USP46: variants seen among roughly 807,000 people sequenced by gnomAD.
The protein encoded by USP46 is ubiquitin carboxyl-terminal hydrolase 46.
A neutral mutation model predicts 44.4 loss-of-function variants in USP46; 12 were observed. That is an observed-to-expected ratio of 0.27 (90% CI 0.17 to 0.44). The LOEUF (loss-of-function observed/expected upper bound fraction) is 0.44. USP46 is among the 20% of genes least tolerant of loss of function. USP46 has a pLI of 1.00. For missense variants in USP46, 248 were observed against 444.8 expected, an observed-to-expected ratio of 0.56 and a Z score of 3.98; for synonymous variants, 155 against 161.5, an observed-to-expected ratio of 0.96 and a Z score of 0.31.
chr4:52,626,536 G>C (rs1385610823), intron 3 of USP46, among the ~76,000 whole-genome samples: 1 of 152,048 alleles, frequency 6.6e-6, no homozygotes. Flanking sequence ...TGTTGGCCAG[G>C]ATGGTCTCAA....
At chr4:52,602,951 A>G (rs538815128) in intron 6 of USP46, among the ~76,000 whole-genome samples, 2 of 152,364 alleles carry the variant, frequency 1.3e-5, no homozygotes, top group East Asian at 3.9e-4. Context: ...AGGGTCTTCC[A>G]GTTACCTTCC....
intron 1 of USP46, among the ~76,000 whole-genome samples, chr4:52,632,999 AAAGAAAGAAAGAAAG>A (rs1717967941): frequency 2.4e-5 from 3 of 125,176 alleles, no homozygotes; most frequent in African/African-American, 3.5e-5. Flanking sequence ...GAAAAGAAAG[AAAGAAAGAAAGAAAG>A]AAAGAAAGAA....
At chr4:52,617,736 G>A (rs1273562722) in intron 4 of USP46, among the ~76,000 whole-genome samples, 3 of 152,058 alleles carry the variant, frequency 2.0e-5, no homozygotes, top group African/African-American at 7.2e-5. Flanking sequence ...TGTTGTTGTT[G>A]GGTTTTCTTG....
chr4:52,646,555 G>A (rs1718556899), intron 1 of USP46, among the ~76,000 whole-genome samples: 1 of 152,064 alleles, frequency 6.6e-6, no homozygotes, highest in African/African-American at 2.4e-5. Flanking sequence ...TTTTGTATCT[G>A]TCAAGTTTAG....
intron 1 of USP46, among the ~76,000 whole-genome samples, chr4:52,649,496 A>C (rs2109665025): frequency 6.6e-6 from 1 of 152,352 alleles, no homozygotes; most frequent in Non-Finnish European, 1.5e-5. Flanking sequence ...TTTTTCCCAA[A>C]GCCTTGCTGC....
chr4:52,659,290 G>T lies in USP46; in HGVS notation c.-140C>A. 2.4e-6 allele frequency: 2 copies of T among 840,704 alleles called. No individual in the cohort carries two copies. The highest frequency in any genetic ancestry group is 3.5e-5 in the East Asian group (1 of 28,748). 52.1% of individuals were successfully genotyped at this position (840,704 alleles called of 1,614,324 possible). On this transcript the variant is annotated 5_prime_UTR_variant, in exon 1 of 9. Transcript: ENST00000441222. The surrounding 1 kb of genome is among the most constrained non-coding windows in gnomAD (Gnocchi z 4.2). ...GCTTTCAGTTTGGCTGGGAGAGGGA[G>T]GCCGGGAGGAGGAGGCGGCGGCGCG...
intron 1 of USP46, among the ~76,000 whole-genome samples, chr4:52,635,759 CCCT>C (rs1718091197): frequency 6.6e-6 from 1 of 152,130 alleles, no homozygotes; most frequent in Non-Finnish European, 1.5e-5. Context: ...CCTCCAGTTA[CCCT>C]CCTCCTCACT....
At position 52,631,055 on chromosome 4, in the gene USP46, C is replaced by T; in HGVS notation, c.117+9G>A. ...CATTTGATGAAAATAATACATTTTA[C>T]ATACTTACATTGACCAATCCGAAAT... is the stretch of plus-strand genomic sequence containing the variant. On this transcript the variant is annotated intron_variant, in intron 2 of 8. Coordinates refer to ENST00000441222, the MANE Select transcript of USP46 (RefSeq NM_022832.4). The T allele has an allele frequency of 1.3e-6, 2 of 1,555,654 alleles. No individual in the cohort carries two copies. The highest frequency in any genetic ancestry group is 2.4e-5 in the South Asian group (2 of 83,912).
intron 5 of USP46, 132 bp downstream of exon 5, chr4:52,610,409 G>T (rs1476279764): frequency 2.6e-6 from 2 of 764,830 alleles, no homozygotes; most frequent in African/African-American, 1.8e-5. Context: ...CTTGGGAAAG[G>T]AGAGATAGAA....
intron 1 of USP46, 106 bp from the exon 2 acceptor site, chr4:52,631,250 A>AAATAC: frequency 1.2e-6 from 1 of 827,814 alleles, no homozygotes; most frequent in Non-Finnish European, 1.9e-6. Flanking sequence ...CCTGGTCAAC[A>AAATAC]CGGTATTTGT....
chr4:52,629,494 A>G, intron 2 of USP46: 1 of 414,572 alleles, frequency 2.4e-6, no homozygotes, highest in Non-Finnish European at 4.9e-6. Flanking sequence ...CTCACTTCAC[A>G]GGGCTAAGCA....
intron 4 of USP46, among the ~76,000 whole-genome samples, chr4:52,619,480 A>G (rs952218932): frequency 2.6e-5 from 4 of 152,196 alleles, no homozygotes; most frequent in African/African-American, 9.7e-5. Context: ...CTTCATAAAC[A>G]TGGGTCTTGG....
chr4:52,654,621 C>A (rs530327924), intron 1 of USP46, among the ~76,000 whole-genome samples: 9 of 152,166 alleles, frequency 5.9e-5, no homozygotes, highest in African/African-American at 2.2e-4. Context: ...ATCTTGAATT[C>A]CTGGGCTCAA....
chr4:52,626,210 T>C lies in USP46; in HGVS notation c.369A>G (p.Glu123=). ...TAGTGTTTAGCAAATAATTTAAAAA[T>C]TCATGAGCATCCTGCTGCATGTAGT... ...FDNYMQQDAH[E]FLNYLLNTIA... Residue 123 remains glutamate, a synonymous_variant, in exon 4 of 9, where the codon GAA becomes GAG. Transcript: ENST00000441222. The C allele has an allele frequency of 6.2e-7, 1 of 1,613,770 alleles. No individual in the cohort carries two copies. Among genetic ancestry groups the C allele is most frequent in the Non-Finnish European group, 8.5e-7 (1 of 1,179,834 alleles).
chr4:52,654,704 A>G (rs1242291775), intron 1 of USP46, among the ~76,000 whole-genome samples: 1 of 152,092 alleles, frequency 6.6e-6, no homozygotes, highest in Admixed American at 6.5e-5. Flanking sequence ...TACCTCATTT[A>G]TTTAAAAGAA....
chr4:52,641,647 T>C (rs1348966272), intron 1 of USP46, among the ~76,000 whole-genome samples: 1 of 152,124 alleles, frequency 6.6e-6, no homozygotes, highest in African/African-American at 2.4e-5. Context: ...TGTCAAAATA[T>C]GGAAGAGCCT....
intron 1 of USP46, among the ~76,000 whole-genome samples, chr4:52,651,282 C>T (rs1467053902): frequency 6.6e-6 from 1 of 151,952 alleles, no homozygotes; most frequent in Non-Finnish European, 1.5e-5. Context: ...CTCAGCTCAC[C>T]TATAACAGAA....
intron 2 of USP46, among the ~76,000 whole-genome samples, chr4:52,630,251 CA>C (rs533690566): frequency 1.3e-5 from 2 of 151,510 alleles, no homozygotes; most frequent in East Asian, 1.9e-4. Context: ...CTGCTGAGTG[CA>C]AAAAAAATGA....
At chr4:52,625,927 T>C in intron 4 of USP46, 91 bp downstream of exon 4, 2 of 1,250,288 alleles carry the variant, frequency 1.6e-6, no homozygotes, top group Non-Finnish European at 2.2e-6. Flanking sequence ...AAATAACTGC[T>C]AAATGCTATA....
Sources: allele counts gnomAD v4.1 joint callset (sites outside exome capture counted in the v4.1 genomes callset), GRCh38; gene constraint gnomAD v4.1.1; non-coding constraint Gnocchi (gnomAD v3.1); transcripts MANE v1.5; gene names NCBI Gene and HGNC (gene_info 2026-07-23, HGNC 2026-07-21).